The following ZBED6 variants were observed in gnomAD, a reference collection of about 807,000 sequenced individuals.
The protein encoded by ZBED6 is zinc finger BED domain-containing protein 6.
A neutral mutation model predicts 58.4 loss-of-function variants in ZBED6; 40 were observed. That is an observed-to-expected ratio of 0.68 (90% confidence interval 0.53 to 0.89). The LOEUF (loss-of-function observed/expected upper bound fraction) is 0.89, where lower values mean the gene tolerates loss of function less well. Ranked by LOEUF, ZBED6 falls within the 40% of genes least tolerant of loss-of-function variation. The pLI is 0.00. For missense variants in ZBED6, 1,057 were observed against 1,003.9 expected (o/e 1.05, Z -0.71); for synonymous variants, 439 against 350.6 (o/e 1.25, Z -2.82).
exon 5 of ZBED6, chr1:203,829,497 T>C: frequency 6.2e-7 from 1 of 1,614,028 alleles, no homozygotes; most frequent in Non-Finnish European, 8.5e-7. Context: ...AAGTGAAGGC[T>C]AGCCAACTTT....
At position 203,798,092 on chromosome 1, in the gene ZBED6, T is replaced by G. The variant is rs570077096; in HGVS notation, c.570T>G (p.Phe190Leu). The G allele has an allele frequency of 1.3e-4, 199 of 1,536,126 alleles. No individual in the cohort carries two copies. In the African/African-American group the frequency reaches 2.6e-3, roughly 20 times the overall value. Residue 190 changes from phenylalanine (F) to leucine (L), a missense_variant, in exon 1 of 17, where the codon TTT becomes TTG. Phe to Leu is a conservative substitution (Grantham distance 22). Coordinates refer to ENST00000550078, the Ensembl canonical transcript of ZBED6. ...CTCATTGGACCAGGGCCAACAAGTT[T>G]GGAGTTGCTAGTGGAGAGGAGGACT... is the stretch of plus-strand genomic sequence containing the variant.
At chr1:203,830,646 A>G (rs1681941676) in intron 7 of ZBED6, among the ~76,000 whole-genome samples, 1 of 152,062 alleles carries the variant, frequency 6.6e-6, no homozygotes, top group Non-Finnish European at 1.5e-5. Context: ...CCCCGTCTCT[A>G]CTAAAACAAA....
chr1:203,833,271 A>G (rs1394693634), intron 8 of ZBED6, among the ~76,000 whole-genome samples: 1 of 151,030 alleles, frequency 6.6e-6, no homozygotes, highest in Non-Finnish European at 1.5e-5. Context: ...AGGCTGAGGC[A>G]GGAGAATCGC....
chr1:203,841,974 G>C (rs959264887), intron 11 of ZBED6, among the ~76,000 whole-genome samples: 3 of 151,200 alleles, frequency 2.0e-5, no homozygotes, highest in Non-Finnish European at 4.4e-5. Context: ...GCCGCGGCTG[G>C]GCAGAGGGGC....
chr1:203,803,783 C>G (rs183353702), intron 1 of ZBED6, among the ~76,000 whole-genome samples: 7 of 152,082 alleles, frequency 4.6e-5, no homozygotes, highest in Admixed American at 3.3e-4. Flanking sequence ...TTTTTAAAAC[C>G]TTTTGTAGAG....
intron 1 of ZBED6, among the ~76,000 whole-genome samples, chr1:203,810,285 T>C (rs550184584): frequency 1.6e-4 from 24 of 152,240 alleles, no homozygotes; most frequent in African/African-American, 5.8e-4. Context: ...CTTGCCGTTT[T>C]CTTGAATGGC....
At chr1:203,810,035 A>T in intron 1 of ZBED6, among the ~76,000 whole-genome samples, 1 of 152,096 alleles carries the variant, frequency 6.6e-6, no homozygotes, top group East Asian at 1.9e-4. Context: ...TAAACTTAAG[A>T]AATTTATGGA....
intron 3 of ZBED6, among the ~76,000 whole-genome samples, chr1:203,821,450 A>G (rs1168795446): frequency 6.6e-6 from 1 of 152,114 alleles, no homozygotes; most frequent in Non-Finnish European, 1.5e-5. Context: ...CGATTGACCC[A>G]GATTTGGCAA....
Position 203,847,693 on chromosome 1 carries a change from A to T in ZBED6, c.*4245+6A>T, listed in dbSNP as rs199602009. 4 of 1,610,158 alleles carry T rather than the reference A, an allele frequency of 2.5e-6. No homozygotes were observed. The highest frequency in any genetic ancestry group is 3.4e-6 in the Non-Finnish European group (4 of 1,178,920). On this transcript the variant is annotated splice_donor_region_variant and intron_variant, in intron 12 of 16. Transcript: ENST00000550078. ...GCGAATCACCAAAAGAACAGGTAACAAGAGAACTTGGTCTCTAGTACCACG... is the reference window on the plus strand; with the variant it reads ...GCGAATCACCAAAAGAACAGGTAACTAGAGAACTTGGTCTCTAGTACCACG...
Position 203,797,717 on chromosome 1 carries a change from GAA to G in ZBED6, c.196_197del (p.Lys66GlyfsTer5). On this transcript the variant is annotated frameshift_variant, in exon 1 of 17. Coordinates refer to ENST00000550078, the Ensembl canonical transcript of ZBED6. LOFTEE classifies it high-confidence loss of function. ...AACAGCCTGCTAAAAAGAAAAGAAA[GAA>G]GGGTTTGCGAATTAAGGGGAAAAGG... is the stretch of plus-strand genomic sequence containing the variant. 1 of 1,535,250 alleles carries G rather than the reference GAA, an allele frequency of 6.5e-7. No homozygotes were observed. The highest frequency in any genetic ancestry group is 8.7e-7 in the Non-Finnish European group (1 of 1,146,750).
exon 1 of ZBED6, chr1:203,799,545 G>A: frequency 1.4e-6 from 1 of 702,996 alleles, no homozygotes. Flanking sequence ...AGCCAGTGGA[G>A]TTGTGCTCAC....
chr1:203,849,290 G>A (rs958147968), intron 13 of ZBED6, among the ~76,000 whole-genome samples: 3 of 152,142 alleles, frequency 2.0e-5, no homozygotes, highest in African/African-American at 7.2e-5. Flanking sequence ...TTTACAGCCT[G>A]CTTTAACTTT....
At chr1:203,840,402 A>T in intron 11 of ZBED6, 28 bp downstream of exon 11, 1 of 1,598,828 alleles carries the variant, frequency 6.3e-7, no homozygotes, top group South Asian at 1.1e-5. Context: ...CCAGATTCTG[A>T]TTATTTTTTT....
At chr1:203,850,115 G>A (rs1688912555) in intron 14 of ZBED6, 89 bp downstream of exon 14, 2 of 1,225,248 alleles carry the variant, frequency 1.6e-6, no homozygotes, top group African/African-American at 1.5e-5. Flanking sequence ...GGCAACAATT[G>A]GGTTGAATTT....
exon 12 of ZBED6, chr1:203,847,236 T>G: frequency 6.2e-7 from 1 of 1,613,800 alleles, no homozygotes. Flanking sequence ...AAGAAATTCT[T>G]CTTGAAAGAG....
exon 1 of ZBED6, chr1:203,800,988 A>T (rs7553809): frequency 0.11 from 17,028 of 152,270 alleles, 1,191 homozygotes; most frequent in Non-Finnish European, 0.15. Flanking sequence ...GGTCAGCTTT[A>T]TAATTTCAAA....
chr1:203,838,096 A>G (rs1684941920), intron 10 of ZBED6, 32 bp downstream of exon 10: 1 of 1,595,210 alleles, frequency 6.3e-7, no homozygotes, highest in Non-Finnish European at 8.6e-7. Flanking sequence ...TTGTGTGTGT[A>G]TGTAATTATG....
chr1:203,838,964 A>G (rs372852559), intron 10 of ZBED6, among the ~76,000 whole-genome samples: 39,821 of 149,262 alleles, frequency 0.27, 6,170 homozygotes, highest in Middle Eastern at 0.37. Flanking sequence ...CAAAAAAAAA[A>G]AAAAAAAAAA....
chr1:203,845,142 C>G (rs1159191036), intron 11 of ZBED6, among the ~76,000 whole-genome samples: 1 of 152,142 alleles, frequency 6.6e-6, no homozygotes, highest in Non-Finnish European at 1.5e-5. Context: ...TTCCATTTTT[C>G]TGTAAATTCA....
Sources: allele counts gnomAD v4.1 joint callset (sites outside exome capture counted in the v4.1 genomes callset), GRCh38; gene constraint gnomAD v4.1.1; transcripts MANE v1.5; gene names NCBI Gene and HGNC (gene_info 2026-07-23, HGNC 2026-07-21).